APBA2: variants seen among roughly 807,000 people sequenced by gnomAD.
The protein encoded by APBA2 is amyloid beta precursor protein binding family A member 2.
In APBA2, 30 loss-of-function variants were observed where a neutral mutation model predicts 75.0. The observed-to-expected ratio is 0.40, with a 90% confidence interval of 0.30 to 0.54. APBA2 has a LOEUF of 0.54. Among genes scored for constraint, APBA2 ranks in the 20% least tolerant of loss-of-function variants. The pLI is 0.49. For synonymous variants in APBA2, 444 were observed against 409.6 expected (o/e 1.08, Z -1.01); for missense variants, 801 against 1,016.1 (o/e 0.79, Z 2.88).
chr15:28,929,303 C>T (rs770072860), intron 2 of APBA2, among the ~76,000 whole-genome samples: 2 of 152,102 alleles, frequency 1.3e-5, no homozygotes, highest in Non-Finnish European at 2.9e-5. Context: ...ATGAATACAC[C>T]GAAAGGGATA....
chr15:29,025,647 T>C (rs12437861), intron 3 of APBA2, among the ~76,000 whole-genome samples: 56,175 of 151,742 alleles, frequency 0.37, 17,141 homozygotes, highest in African/African-American at 0.81. Flanking sequence ...AACCGCCTTA[T>C]GTACAGAGAT....
intron 1 of APBA2, among the ~76,000 whole-genome samples, chr15:28,912,484 T>C (rs1315055389): frequency 1.3e-5 from 2 of 152,232 alleles, no homozygotes; most frequent in Non-Finnish European, 1.5e-5. Context: ...GGCAAGGAGC[T>C]CATAAAAGCC....
At chr15:29,073,931 A>G (rs1362852038) in intron 4 of APBA2, among the ~76,000 whole-genome samples, 1 of 152,148 alleles carries the variant, frequency 6.6e-6, no homozygotes, top group Non-Finnish European at 1.5e-5. Flanking sequence ...TATGACATGT[A>G]CTTGGGGCAT....
intron 3 of APBA2, among the ~76,000 whole-genome samples, chr15:29,033,771 T>A (rs899623649): frequency 6.6e-6 from 1 of 151,972 alleles, no homozygotes; most frequent in African/African-American, 2.4e-5. Context: ...CCATCCTGGC[T>A]AATAACGGTG....
At chr15:29,050,563 A>G (rs1388382244) in intron 3 of APBA2, among the ~76,000 whole-genome samples, 1 of 152,218 alleles carries the variant, frequency 6.6e-6, no homozygotes, top group Non-Finnish European at 1.5e-5. Flanking sequence ...AGTGGAAAAT[A>G]AACTCCTGGT....
intron 2 of APBA2, among the ~76,000 whole-genome samples, chr15:28,958,696 G>C (rs2152733953): frequency 6.6e-6 from 1 of 152,264 alleles, no homozygotes; most frequent in South Asian, 2.1e-4. Flanking sequence ...AACAGCCTCT[G>C]TGTTTTCCAG....
At chr15:28,895,960 A>G (rs1235561067) in intron 1 of APBA2, among the ~76,000 whole-genome samples, 1 of 152,128 alleles carries the variant, frequency 6.6e-6, no homozygotes, top group Admixed American at 6.5e-5. Flanking sequence ...AAAAAATAGA[A>G]AAGTTAGTCG....
At chr15:29,029,248 C>A (rs565971819) in intron 3 of APBA2, among the ~76,000 whole-genome samples, 17 of 151,840 alleles carry the variant, frequency 1.1e-4, no homozygotes, top group African/African-American at 4.1e-4. Flanking sequence ...CTTCCAGCAC[C>A]ACTTACAAAC....
intron 1 of APBA2, among the ~76,000 whole-genome samples, chr15:28,894,399 C>T (rs1168766389): frequency 6.6e-6 from 1 of 152,292 alleles, no homozygotes. Flanking sequence ...GAGCCCCATT[C>T]TGGCTCTGGG....
chr15:29,064,945 G>A (rs551010830), intron 4 of APBA2, among the ~76,000 whole-genome samples: 2 of 152,312 alleles, frequency 1.3e-5, no homozygotes, highest in East Asian at 3.9e-4. Flanking sequence ...TAGATGGACA[G>A]TGTCTATAGA....
intron 2 of APBA2, among the ~76,000 whole-genome samples, chr15:28,931,493 C>G (rs78349948): frequency 0.053 from 8,087 of 152,276 alleles, 548 homozygotes; most frequent in East Asian, 0.34. Flanking sequence ...CTCCCCTGTT[C>G]ACTGGGACCT....
intron 3 of APBA2, among the ~76,000 whole-genome samples, chr15:29,053,482 C>T (rs1387270748): frequency 6.6e-6 from 1 of 152,092 alleles, no homozygotes; most frequent in Non-Finnish European, 1.5e-5. Context: ...TGCTCATTTT[C>T]TTCGTGAGAG....
intron 3 of APBA2, among the ~76,000 whole-genome samples, chr15:29,023,906 T>A (rs994847353): frequency 4.7e-5 from 3 of 63,282 alleles, no homozygotes; most frequent in Non-Finnish European, 6.8e-5. Context: ...TTTTTGTCGA[T>A]TTTTTTTTTT....
chr15:29,050,307 C>G (rs7162933), intron 3 of APBA2, among the ~76,000 whole-genome samples: 5,202 of 152,140 alleles, frequency 0.034, 303 homozygotes, highest in African/African-American at 0.12. Context: ...GAGATCAGAG[C>G]CATTTTATAG....
intron 2 of APBA2, among the ~76,000 whole-genome samples, chr15:28,987,725 G>GATATATATATATATATATATATATAT (rs1469936230): frequency 3.8e-4 from 45 of 118,460 alleles, no homozygotes; most frequent in East Asian, 1.4e-3. Context: ...AATATGTGGA[G>GATATATATATATATATATATATATAT]AGAGATATAT....
chr15:28,950,544 G>C (rs886913632), intron 2 of APBA2, among the ~76,000 whole-genome samples: 1 of 151,546 alleles, frequency 6.6e-6, no homozygotes, highest in African/African-American at 2.4e-5. Flanking sequence ...GGAGAATGGC[G>C]TGAACCCAGG....
chr15:28,975,215 T>A (rs1375650051), intron 2 of APBA2, among the ~76,000 whole-genome samples: 3 of 149,026 alleles, frequency 2.0e-5, no homozygotes, highest in East Asian at 4.0e-4. Context: ...TAAAAAAAAA[T>A]TCCTACTGGA....
At chr15:28,916,496 G>A (rs1285104033) in intron 1 of APBA2, among the ~76,000 whole-genome samples, 1 of 152,184 alleles carries the variant, frequency 6.6e-6, no homozygotes, top group South Asian at 2.1e-4. Context: ...GGCCCCCTCT[G>A]CTCCCACCTG....
At chr15:28,900,940 GC>G (rs2032813888) in intron 1 of APBA2, among the ~76,000 whole-genome samples, 1 of 152,106 alleles carries the variant, frequency 6.6e-6, no homozygotes, top group Admixed American at 6.5e-5. Context: ...CCTGGCTGGG[GC>G]TGACCCCTGG....
Sources: gnomAD v4.1 joint callset for allele counts (sites outside exome capture counted in the v4.1 genomes callset) on GRCh38, gnomAD v4.1.1 for gene constraint, MANE v1.5 for transcripts, NCBI Gene and HGNC (gene_info 2026-07-23, HGNC 2026-07-21) for gene names.